The following CEACAM21 variants were observed in gnomAD, a reference collection of about 807,000 sequenced individuals.
The protein encoded by CEACAM21 is CEA cell adhesion molecule 21, also known as cell adhesion molecule CEACAM21.
A neutral mutation model predicts 33.2 loss-of-function variants in CEACAM21; 38 were observed. That is an observed-to-expected ratio of 1.14 (90% CI 0.88 to 1.50). The LOEUF (loss-of-function observed/expected upper bound fraction) is 1.50. Among genes scored for constraint, CEACAM21 ranks in the 40% most tolerant of loss-of-function variants. The probability of loss-of-function intolerance (pLI) is 0.00; values close to 1 mark genes in which losing one functional copy is unlikely to be tolerated. For synonymous variants in CEACAM21, 156 were observed against 143.0 expected (o/e 1.09, Z -0.65); for missense variants, 385 against 364.6 (o/e 1.06, Z -0.46).
chr19:41,572,102 A>G (rs561017633), upstream of CEACAM21, among the ~76,000 whole-genome samples: 1 of 152,200 alleles, frequency 6.6e-6, no homozygotes. Flanking sequence ...GAAAGCTTAA[A>G]ATCATCAGAG....
At chr19:41,561,457 A>G (rs549460638) in intron 1 of CEACAM21, among the ~76,000 whole-genome samples, 10 of 151,672 alleles carry the variant, frequency 6.6e-5, no homozygotes, top group Admixed American at 5.3e-4. Flanking sequence ...GGGGTGGGGG[A>G]GAGAGAGAGA....
upstream of CEACAM21, among the ~76,000 whole-genome samples, chr19:41,574,698 T>C (rs1399089869): frequency 6.6e-6 from 1 of 152,190 alleles, no homozygotes; most frequent in African/African-American, 2.4e-5. Flanking sequence ...AGTAAGTGTT[T>C]ACAAGAATGT....
At chr19:41,572,164 G>A (rs782288199), upstream of CEACAM21, among the ~76,000 whole-genome samples, 6 of 152,006 alleles carry the variant, frequency 3.9e-5, no homozygotes, top group Non-Finnish European at 7.4e-5. Context: ...TGACATTAAC[G>A]GTGAACTAGA....
At chr19:41,580,776 G>A (rs1275053552) in intron 3 of CEACAM21, among the ~76,000 whole-genome samples, 4 of 152,088 alleles carry the variant, frequency 2.6e-5, no homozygotes, top group Non-Finnish European at 5.9e-5. Context: ...TTAATCATTG[G>A]CCATTAATTG....
intron 3 of CEACAM21, 132 bp from the exon 4 acceptor site, chr19:41,584,215 G>T: frequency 1.4e-6 from 1 of 725,014 alleles, no homozygotes; most frequent in South Asian, 1.8e-5. Context: ...CAGCTATGAG[G>T]ACAGCACAAC....
intron 2 of CEACAM21, among the ~76,000 whole-genome samples, chr19:41,568,824 ACTT>A (rs1555788805): frequency 1.3e-5 from 2 of 152,200 alleles, no homozygotes; most frequent in Non-Finnish European, 2.9e-5. Context: ...AGGATCTTCT[ACTT>A]CTTCGAAGAA....
At chr19:41,584,588 T>C (rs2070578207) in intron 4 of CEACAM21, 145 bp downstream of exon 4, 1 of 723,632 alleles carries the variant, frequency 1.4e-6, no homozygotes. Flanking sequence ...CATGGCACCT[T>C]CCTCACCAGC....
chr19:41,562,766 T>G (rs1369700748), intron 1 of CEACAM21, among the ~76,000 whole-genome samples: 4 of 151,916 alleles, frequency 2.6e-5, no homozygotes, highest in Non-Finnish European at 5.9e-5. Context: ...TCTGGCGCTG[T>G]CGCCCAGGCT....
exon 2 of CEACAM21, chr19:41,564,837 T>C (rs1555787918): frequency 6.6e-6 from 1 of 152,216 alleles, no homozygotes; most frequent in African/African-American, 2.4e-5. Context: ...CCGCCCTTCA[T>C]TGAACTCCTT....
chr19:41,560,200 C>G (rs1392104791), intron 1 of CEACAM21, among the ~76,000 whole-genome samples: 1 of 152,080 alleles, frequency 6.6e-6, no homozygotes, highest in Non-Finnish European at 1.5e-5. Flanking sequence ...ATGCTTAGCT[C>G]TTTTATCTTT....
rs371372590 is a variant in CEACAM21, at chr19:41,576,318, G to A, written c.44G>A (p.Trp15Ter). Reference sequence around the variant, plus strand: ...TGTCCCCACAGAGAATGCATCCCCTGGCAGGGGCTCTTGCTCACAGGTGAG... The same window carrying A: ...TGTCCCCACAGAGAATGCATCCCCTAGCAGGGGCTCTTGCTCACAGGTGAG... ...SACPHRECIP[W>*]QGLLLTASLL... Residue 15 changes from tryptophan (W) to a stop codon, truncating the protein, a stop_gained, in exon 1 of 7, where the codon TGG (tryptophan) becomes TAG (stop). Coordinates refer to ENST00000401445, the MANE Select transcript of CEACAM21 (RefSeq NM_001098506.4). LOFTEE classifies it high-confidence loss of function. 1 of 1,612,176 alleles carries A rather than the reference G, an allele frequency of 6.2e-7. No individual in the cohort carries two copies. Among genetic ancestry groups the A allele is most frequent in the African/African-American group, 1.3e-5 (1 of 74,884 alleles).
intron 2 of CEACAM21, among the ~76,000 whole-genome samples, chr19:41,577,830 C>G (rs723902): frequency 0.24 from 37,181 of 152,112 alleles, 4,884 homozygotes; most frequent in African/African-American, 0.32. Context: ...GTCCAACCCC[C>G]CTTGGCCTCC....
chr19:41,577,645 TC>T, intron 2 of CEACAM21, 86 bp downstream of exon 2: 1 of 1,572,068 alleles, frequency 6.4e-7, no homozygotes, highest in East Asian at 2.2e-5. Context: ...TGTGCCTGCA[TC>T]CCCCTCTGCA....
At chr19:41,572,456 A>C (rs2042671996), upstream of CEACAM21, among the ~76,000 whole-genome samples, 1 of 152,088 alleles carries the variant, frequency 6.6e-6, no homozygotes, top group African/African-American at 2.4e-5. Flanking sequence ...GAGCGATGGG[A>C]AGCTCCCTGT....
rs1555792652 is a variant in CEACAM21, at chr19:41,579,501, G to A, written c.573G>A (p.Lys191=). ...NQRLQVTKRM[K]LSWFNHVLTI... The stretch of plus-strand genomic sequence containing the variant: ...GTCTGCAGGTCACGAAGAGGATGAA[G>A]CTGTCCTGGTTTAACCATGTGCTCA... Residue 191 remains lysine (K), a synonymous_variant, in exon 3 of 7, where the codon AAG becomes AAA. Coordinates refer to ENST00000401445, the MANE Select transcript of CEACAM21 (RefSeq NM_001098506.4). The A allele has an allele frequency of 6.2e-7, 1 of 1,613,848 alleles. No individual in the cohort carries two copies. The highest frequency in any genetic ancestry group is 2.2e-5 in the East Asian group (1 of 44,872).
chr19:41,585,281 C>T (rs1480176638), intron 4 of CEACAM21, among the ~76,000 whole-genome samples, 162 bp from the exon 5 acceptor site: 11 of 152,130 alleles, frequency 7.2e-5, no homozygotes, highest in Admixed American at 2.6e-4. Flanking sequence ...TAAGGCCTTT[C>T]CTCAACTCCC....
intron 4 of CEACAM21, among the ~76,000 whole-genome samples, chr19:41,584,752 C>A (rs547068836): frequency 2.6e-5 from 4 of 152,306 alleles, no homozygotes; most frequent in Admixed American, 2.0e-4. Flanking sequence ...GGTACCTCCC[C>A]CTGTTCACTG....
chr19:41,584,730 T>A (rs901581900), intron 4 of CEACAM21, among the ~76,000 whole-genome samples: 6 of 152,092 alleles, frequency 3.9e-5, no homozygotes, highest in African/African-American at 1.4e-4. Flanking sequence ...GGGGGAGCGG[T>A]GCTCAATACC....
rs1354748213 is a variant in CEACAM21 at position 41,579,768 on chromosome 19, T to C, written c.700+140T>C. 5.0e-5 allele frequency: 33 copies of C among 656,108 alleles called. No individual in the cohort carries two copies. The Admixed American group carries it at 9.2e-4, about 18-fold the overall frequency. The allele number at this position is 656,108 out of a possible 1,614,324, so 40.6% of individuals were successfully genotyped here. ...GCAATGTGGGTAAGAACTCAGGGAT[T>C]AGACTCATCCAGTTATCATCCTGGT... On this transcript the variant is annotated intron_variant, in intron 3 of 6. Coordinates refer to ENST00000401445, the MANE Select transcript of CEACAM21 (RefSeq NM_001098506.4).
Sources: gnomAD v4.1 joint callset for allele counts (sites outside exome capture counted in the v4.1 genomes callset) on GRCh38, gnomAD v4.1.1 for gene constraint, MANE v1.5 for transcripts, NCBI Gene and HGNC (gene_info 2026-07-23, HGNC 2026-07-21) for gene names.